COL27A1: variants seen among roughly 807,000 people sequenced by gnomAD.
COL27A1 encodes collagen alpha-1(XXVII) chain.
Under a neutral mutation model 251.3 loss-of-function variants are expected in COL27A1, and 106 were observed. The ratio of observed to expected loss-of-function variants is 0.42; its 90% CI spans 0.36 to 0.50. The LOEUF is 0.50. COL27A1 is among the 20% of genes least tolerant of loss of function. The pLI, the probability that COL27A1 is intolerant of heterozygous loss-of-function variation, is 0.00. For synonymous variants in COL27A1, 1,000 were observed against 986.3 expected, an observed-to-expected ratio of 1.01 and a Z score of -0.26; for missense variants, 2,325 against 2,522.8, an observed-to-expected ratio of 0.92 and a Z score of 1.68.
chr9:114,258,436 G>A (rs568389406), intron 27 of COL27A1, 105 bp from the exon 28 acceptor site: 85 of 1,164,724 alleles, frequency 7.3e-5, no homozygotes, highest in Non-Finnish European at 9.2e-5. Context: ...GAACATGCCC[G>A]TCTGAGGGCT....
chr9:114,189,613 C>G lies in COL27A1; in HGVS notation c.2017-4791C>G, dbSNP rs141146084. Among the ~76,000 whole-genome samples the G allele has an allele frequency of 5.2e-3, 788 of 152,196 alleles. 3 individuals carry two copies. Among genetic ancestry groups the G allele is most frequent in the Non-Finnish European group, 8.2e-3 (557 of 67,994 alleles). ...TCTTTAAAATATTACATTTTTCTATCTAAAAACATGGCATGTCTTCCTATT... is the reference window on the plus strand; with the variant it reads ...TCTTTAAAATATTACATTTTTCTATGTAAAAACATGGCATGTCTTCCTATT... On this transcript the variant is annotated intron_variant, in intron 5 of 60. Coordinates refer to ENST00000356083, the MANE Select transcript of COL27A1 (RefSeq NM_032888.4).
At chr9:114,165,368 CATCCATCCATCCAAT>C (rs1327986435) in intron 2 of COL27A1, among the ~76,000 whole-genome samples, 2 of 151,768 alleles carry the variant, frequency 1.3e-5, no homozygotes, top group Non-Finnish European at 2.9e-5. Flanking sequence ...TCCATCCATT[CATCCATCCATCCAAT>C]ATCCATCCAT....
At chr9:114,214,380 G>C (rs551097524) in intron 12 of COL27A1, among the ~76,000 whole-genome samples, 3 of 152,330 alleles carry the variant, frequency 2.0e-5, no homozygotes, top group African/African-American at 7.2e-5. Context: ...GGCTGGTGAT[G>C]ATTTTGCTGT....
intron 19 of COL27A1, among the ~76,000 whole-genome samples, chr9:114,238,368 G>A (rs564418118): frequency 8.5e-5 from 13 of 152,206 alleles, no homozygotes; most frequent in Admixed American, 5.9e-4. Context: ...CAGGGGTCTC[G>A]TGTCTAGAGA....
chr9:114,238,183 A>G (rs557247277), intron 19 of COL27A1, among the ~76,000 whole-genome samples: 50 of 152,380 alleles, frequency 3.3e-4, no homozygotes, highest in African/African-American at 1.1e-3. Flanking sequence ...ATGAGAAATA[A>G]GGATAGATTT....
At chr9:114,209,415 C>T (rs780655543) in intron 10 of COL27A1, 8 of 742,508 alleles carry the variant, frequency 1.1e-5, no homozygotes, top group African/African-American at 5.1e-5. Flanking sequence ...GGCCTCCTGC[C>T]GGCGAGCGCC....
chr9:114,269,872 C>T lies in COL27A1; in HGVS notation c.3555+578C>T, dbSNP rs139704612. Among the ~76,000 whole-genome samples the T allele has an allele frequency of 3.0e-3, 461 of 152,286 alleles. 1 individual carries two copies. Among genetic ancestry groups the T allele is most frequent in the African/African-American group, 9.4e-3 (392 of 41,554 alleles). The stretch of plus-strand genomic sequence containing the variant: ...CACATCGTTGCCATCCTGCACCTGA[C>T]GGCCCCTGAGGCCCTTTCCAGCTCA... On this transcript the variant is annotated intron_variant, in intron 35 of 60. Coordinates refer to ENST00000356083, the MANE Select transcript of COL27A1 (RefSeq NM_032888.4).
At chr9:114,289,911 A>G in intron 45 of COL27A1, 147 bp from the exon 46 acceptor site, 1 of 924,910 alleles carries the variant, frequency 1.1e-6, no homozygotes, top group Non-Finnish European at 1.7e-6. Flanking sequence ...CTCTGGCCCC[A>G]GGCTTCCAGG....
intron 3 of COL27A1, among the ~76,000 whole-genome samples, chr9:114,175,126 C>G (rs1218712804): frequency 3.3e-5 from 1 of 30,078 alleles, no homozygotes; most frequent in Non-Finnish European, 6.0e-5. Context: ...CTGTCAGAGG[C>G]CAGGACCCTT....
chr9:114,233,444 C>G (rs1417095140), intron 16 of COL27A1, among the ~76,000 whole-genome samples: 1 of 149,670 alleles, frequency 6.7e-6, no homozygotes, highest in Non-Finnish European at 1.5e-5. Flanking sequence ...ACCTCTGCCC[C>G]CCTTGCCCTG....
chr9:114,270,764 G>A lies in COL27A1; in HGVS notation c.3592G>A (p.Gly1198Arg), dbSNP rs1835085371. 1.2e-6 allele frequency: 2 copies of A among 1,612,992 alleles called. No individual in the cohort carries two copies. The highest frequency in any genetic ancestry group is 3.3e-5 in the Admixed American group (2 of 59,780). ...PGLEGDSGPM[G>R]PDGLKGDRGD... is the part of the protein sequence containing the mutation. ...CCTTGAGGGTGACAGTGGCCCCATG[G>A]GACCTGATGGGCTGAAGGTAAGTGC... is the stretch of plus-strand genomic sequence containing the variant. Residue 1198 changes from glycine to arginine, a missense_variant, in exon 36 of 61, where the codon GGA becomes AGA. By Grantham distance (125) the Gly-to-Arg change is moderately radical. Coordinates refer to ENST00000356083, the MANE Select transcript of COL27A1 (RefSeq NM_032888.4).
intron 58 of COL27A1, 73 bp from the exon 59 acceptor site, chr9:114,307,596 G>A (rs1192426290): frequency 6.8e-6 from 7 of 1,036,468 alleles, no homozygotes; most frequent in Non-Finnish European, 9.1e-6. Context: ...AAGATGCAGG[G>A]TCCATCTACA....
At chr9:114,306,024 G>A (rs1437596884) in intron 57 of COL27A1, among the ~76,000 whole-genome samples, 4 of 151,184 alleles carry the variant, frequency 2.6e-5, no homozygotes, top group African/African-American at 9.7e-5. Context: ...GTGGAGATCT[G>A]CTCCTTCTCT....
chr9:114,306,568 T>G lies in COL27A1; in HGVS notation c.4987T>G (p.Phe1663Val), dbSNP rs140686847. 1.2e-5 allele frequency: 20 copies of G among 1,613,956 alleles called. No individual in the cohort carries two copies. In the African/African-American group the frequency reaches 2.5e-4, roughly 20 times the overall value. ...GGTGCTGGACCAGGGAGGAGAGATC[T>G]TTAAAACCTTACACTACCTCAGCAA... ...RLVLDQGGEIFKTLHYLSNLI... is the reference protein window; with the variant it reads ...RLVLDQGGEIVKTLHYLSNLI... The change falls in exon 58 of 61, where the codon TTT becomes GTT. Residue 1663 changes from phenylalanine (F) to valine (V), a missense_variant. Around this residue, in one of 4 missense-constraint regions of COL27A1, gnomAD observed 327 missense variants for 442.8 expected, o/e 0.74. Transcript: ENST00000356083.
chr9:114,201,390 G>T (rs1206182536), intron 7 of COL27A1, among the ~76,000 whole-genome samples: 1 of 152,198 alleles, frequency 6.6e-6, no homozygotes, highest in Non-Finnish European at 1.5e-5. Context: ...GAAGCTATTT[G>T]CTGGCCCCAG....
At position 114,292,060 on chromosome 9, in the gene COL27A1, C is replaced by A. The variant is rs571093192; in HGVS notation, c.4477-43C>A. The A allele has an allele frequency of 5.9e-6, 9 of 1,517,576 alleles. No individual in the cohort carries two copies. The African/African-American group carries it at 1.1e-4, about 19-fold the overall frequency. 94.0% of individuals were successfully genotyped at this position (1,517,576 alleles called of 1,614,324 possible). A position where few individuals can be genotyped will look rare whatever the true frequency, so the allele number is the denominator to read the frequency against. ...CCTCCGCCTCCTCCTGCCTTAGAAC[C>A]CCTTCCCACTTTGACTGGTAATTTT... On this transcript the variant is annotated intron_variant, in intron 48 of 60. Transcript: ENST00000356083.
intron 39 of COL27A1, 102 bp downstream of exon 39, chr9:114,282,666 C>G (rs1015303119): frequency 3.6e-5 from 26 of 721,814 alleles, no homozygotes; most frequent in Non-Finnish European, 5.7e-5. Flanking sequence ...ATCACCCACC[C>G]CAGCTATTAG....
In COL27A1 at chr9:114,284,781, G is replaced by A. The variant is rs760039222; in HGVS notation, c.3987+4G>A. The A allele has an allele frequency of 6.2e-7, 1 of 1,614,156 alleles. No individual in the cohort carries two copies. The highest frequency in any genetic ancestry group is 8.5e-7 in the Non-Finnish European group (1 of 1,180,012). ...TCCTGGACCAAAAGGCGAAAAGGTGGGTGTTTGCTCTGGGGAAAGCAGCTG... is the reference window on the plus strand; with the variant it reads ...TCCTGGACCAAAAGGCGAAAAGGTGAGTGTTTGCTCTGGGGAAAGCAGCTG... On this transcript the variant is annotated splice_donor_region_variant and intron_variant, in intron 41 of 60. Transcript: ENST00000356083.
At chr9:114,171,995 CA>C (rs1849356971) in intron 3 of COL27A1, among the ~76,000 whole-genome samples, 1 of 152,130 alleles carries the variant, frequency 6.6e-6, no homozygotes, top group African/African-American at 2.4e-5. Context: ...GACTTCTGGC[CA>C]GGGCTGAGGC....
Sources: allele counts gnomAD v4.1 joint callset (sites outside exome capture counted in the v4.1 genomes callset), GRCh38; gene constraint gnomAD v4.1.1; regional missense constraint gnomAD v4.1.1; transcripts MANE v1.5; gene names NCBI Gene and HGNC (gene_info 2026-07-23, HGNC 2026-07-21).